TNS1: variants seen among roughly 807,000 people sequenced by gnomAD.
TNS1 encodes tensin-1.
A neutral mutation model predicts 168.6 loss-of-function variants in TNS1; 62 were observed. The observed-to-expected ratio is 0.37, with a 90% confidence interval of 0.30 to 0.45. TNS1 has a LOEUF of 0.45. Ranked by LOEUF, TNS1 falls within the 20% of genes least tolerant of loss-of-function variation. The pLI is 1.00. For synonymous variants in TNS1, 934 were observed against 933.2 expected, an observed-to-expected ratio of 1.00 and a Z score of -0.02; for missense variants, 2,240 against 2,339.4, an observed-to-expected ratio of 0.96 and a Z score of 0.88.
rs1957179573 is a variant in TNS1, at chr2:217,948,953, G to A, written c.187-28717C>T. ...GCTTCCTACTCAGATTTGTACCATAGTGTCAGGGCAGAGGATGGAAAGGGA... is the reference window on the plus strand; with the variant it reads ...GCTTCCTACTCAGATTTGTACCATAATGTCAGGGCAGAGGATGGAAAGGGA... On this transcript the variant is annotated intron_variant, in intron 3 of 32. Transcript: ENST00000682258. This position sits in a 1 kb window ranked among gnomAD's most constrained non-coding sequence, Gnocchi z 4.1. Among the ~76,000 whole-genome samples the A allele has an allele frequency of 6.6e-6, 1 of 152,180 alleles. No homozygotes were observed. Among genetic ancestry groups the A allele is most frequent in the Admixed American group, 6.5e-5 (1 of 15,284 alleles).
chr2:217,854,054 G>T (rs1223316032), intron 18 of TNS1, among the ~76,000 whole-genome samples: 1 of 152,166 alleles, frequency 6.6e-6, no homozygotes, highest in Non-Finnish European at 1.5e-5. Context: ...TAGATTTCAG[G>T]ACCCTATCCC....
intron 9 of TNS1, among the ~76,000 whole-genome samples, chr2:217,894,567 G>T (rs1415568157): frequency 6.6e-6 from 1 of 152,136 alleles, no homozygotes; most frequent in African/African-American, 2.4e-5. Flanking sequence ...TGAGGCAGGA[G>T]AATCACTTGA....
At chr2:217,826,285 A>C (rs1276628364) in intron 22 of TNS1, among the ~76,000 whole-genome samples, 1 of 152,226 alleles carries the variant, frequency 6.6e-6, no homozygotes, top group Non-Finnish European at 1.5e-5. Context: ...ACCCATCTTC[A>C]GGGCTAAACA....
At position 217,810,292 on chromosome 2, in the gene TNS1, G is replaced by A; in HGVS notation, c.5060C>T (p.Ser1687Phe). The change falls in exon 29 of 33, where the codon TCC becomes TTC. Residue 1687 changes from serine to phenylalanine, a missense_variant. Ser to Phe is a radical substitution (Grantham distance 155). Transcript: ENST00000682258. The part of the protein sequence containing the change: ...RDPTDESKDS[S>F]GPANSTADLL... ...GTCTGCAGTTGAGTTGGCAGGGCCG[G>A]AGCTATCTTTCGATTCATCTGTGGG... 6.2e-7 allele frequency: 1 copy of A among 1,614,150 alleles called. No individual in the cohort carries two copies. Among genetic ancestry groups the A allele is most frequent in the Middle Eastern group, 1.7e-4 (1 of 6,052 alleles).
intron 3 of TNS1, among the ~76,000 whole-genome samples, chr2:217,921,094 C>T (rs573606553): frequency 6.6e-6 from 1 of 152,224 alleles, no homozygotes; most frequent in African/African-American, 2.4e-5. Context: ...ATAACATTCC[C>T]CTGGCCAGGC....
intron 4 of TNS1, among the ~76,000 whole-genome samples, chr2:217,908,900 G>A (rs1340487753): frequency 3.3e-5 from 5 of 152,118 alleles, no homozygotes; most frequent in East Asian, 3.9e-4. Context: ...CTTGGAGTCC[G>A]AGGATGGCTC....
At chr2:217,899,649 C>T (rs1330412064) in intron 7 of TNS1, among the ~76,000 whole-genome samples, 5 of 152,212 alleles carry the variant, frequency 3.3e-5, no homozygotes, top group Non-Finnish European at 4.4e-5. Flanking sequence ...ATGAGTCAGA[C>T]GTGGCCCATC....
At chr2:217,876,516 C>T (rs1008751010) in intron 18 of TNS1, among the ~76,000 whole-genome samples, 1 of 152,156 alleles carries the variant, frequency 6.6e-6, no homozygotes, top group African/African-American at 2.4e-5. Context: ...TTCCTTCCTC[C>T]CACTCAGGAT....
intron 4 of TNS1, among the ~76,000 whole-genome samples, chr2:217,914,926 C>T (rs998088378): frequency 1.3e-5 from 2 of 152,332 alleles, no homozygotes; most frequent in South Asian, 4.1e-4. Context: ...TCAACATATT[C>T]TCACTCCCAT....
At chr2:218,009,163 C>T (rs1195316023) in intron 1 of TNS1, among the ~76,000 whole-genome samples, 1 of 152,208 alleles carries the variant, frequency 6.6e-6, no homozygotes, top group Non-Finnish European at 1.5e-5. Context: ...AGGGGACCGT[C>T]CCTGCCCCAA....
chr2:217,999,070 A>G (rs1264917824), intron 1 of TNS1, among the ~76,000 whole-genome samples: 1 of 152,044 alleles, frequency 6.6e-6, no homozygotes, highest in Non-Finnish European at 1.5e-5. Flanking sequence ...GACCTCCCCA[A>G]CACCATGCCC....
intron 3 of TNS1, among the ~76,000 whole-genome samples, chr2:217,931,671 A>T (rs1310029689): frequency 6.6e-6 from 1 of 152,072 alleles, no homozygotes; most frequent in Non-Finnish European, 1.5e-5. Context: ...ACAGGTGTTC[A>T]CCTCCCTGTT....
chr2:217,946,703 C>T (rs1215168922), intron 3 of TNS1, among the ~76,000 whole-genome samples: 1 of 152,028 alleles, frequency 6.6e-6, no homozygotes, highest in Non-Finnish European at 1.5e-5. Context: ...TCTCAGGAGA[C>T]TTTGGAGGTT....
chr2:217,962,244 G>A (rs1957515582), intron 3 of TNS1, among the ~76,000 whole-genome samples: 1 of 152,216 alleles, frequency 6.6e-6, no homozygotes, highest in Non-Finnish European at 1.5e-5. Flanking sequence ...GGGAGCTCAA[G>A]AGCAGCCTGA....
intron 21 of TNS1, among the ~76,000 whole-genome samples, chr2:217,832,253 A>C (rs1001968766): frequency 2.6e-5 from 4 of 152,322 alleles, no homozygotes; most frequent in Admixed American, 1.3e-4. Flanking sequence ...CCCACTCCCT[A>C]TGCGAAGCCT....
intron 18 of TNS1, among the ~76,000 whole-genome samples, chr2:217,879,754 T>C (rs1017093857): frequency 2.0e-5 from 3 of 151,886 alleles, no homozygotes; most frequent in Non-Finnish European, 4.4e-5. Context: ...ATCCAAAACC[T>C]TGGGGAGGGA....
chr2:217,875,281 C>T (rs980402618), intron 18 of TNS1, among the ~76,000 whole-genome samples: 1 of 152,098 alleles, frequency 6.6e-6, no homozygotes, highest in African/African-American at 2.4e-5. Context: ...GATCATTTGT[C>T]ACTGTGGCAT....
intron 18 of TNS1, chr2:217,859,139 A>G: frequency 5.9e-6 from 1 of 168,266 alleles, no homozygotes; most frequent in Non-Finnish European, 1.3e-5. Context: ...CCTGAAGAGA[A>G]GCAGGGAGAG....
chr2:218,028,154 T>C (rs1393086760), intron 1 of TNS1, among the ~76,000 whole-genome samples: 1 of 152,114 alleles, frequency 6.6e-6, no homozygotes, highest in Non-Finnish European at 1.5e-5. Flanking sequence ...CCTCAAAAAG[T>C]CCTTCTGTCA....
Sources: allele counts gnomAD v4.1 joint callset (sites outside exome capture counted in the v4.1 genomes callset), GRCh38; gene constraint gnomAD v4.1.1; non-coding constraint Gnocchi (gnomAD v3.1); transcripts MANE v1.5; gene names NCBI Gene and HGNC (gene_info 2026-07-23, HGNC 2026-07-21).